Variants in FAM186B observed in about 807,000 individuals in gnomAD.
FAM186B encodes the protein family with sequence similarity 186 member B.
FAM186B carries 68 observed loss-of-function variants against 83.4 expected under a neutral mutation model. The ratio of observed to expected loss-of-function variants is 0.81; its 90% CI spans 0.67 to 1.00. FAM186B has a LOEUF of 1.00. Among genes scored for constraint, FAM186B ranks in the 50% least tolerant of loss-of-function variants. The pLI is 0.00. For synonymous variants in FAM186B, 389 were observed against 422.0 expected (o/e 0.92, Z 0.96); for missense variants, 983 against 1,099.2 (o/e 0.89, Z 1.49).
the FAM186B span, chr12:49,619,487 A>T: frequency 1.5e-6 from 1 of 679,398 alleles, no homozygotes. Flanking sequence ...GAGCAGGGGA[A>T]ATACTAAAAT....
chr12:49,604,272 C>A (rs746204996), intron 2 of FAM186B, 41 bp downstream of exon 2: 1 of 1,534,368 alleles, frequency 6.5e-7, no homozygotes, highest in Non-Finnish European at 9.0e-7. Context: ...CACCCACACT[C>A]CCCTCCCAGA....
intron 5 of FAM186B, among the ~76,000 whole-genome samples, chr12:49,590,001 AG>A (rs1939546231): frequency 6.7e-6 from 1 of 149,858 alleles, no homozygotes; most frequent in Non-Finnish European, 1.5e-5. Context: ...AAAAAAAAAA[AG>A]TCAAAAGAGG....
downstream of FAM186B, among the ~76,000 whole-genome samples, chr12:49,586,901 G>C (rs1205128081): frequency 6.6e-6 from 1 of 152,190 alleles, no homozygotes; most frequent in African/African-American, 2.4e-5. Flanking sequence ...AGAAGCACCA[G>C]TATCTTCAGG....
At chr12:49,619,082 A>T in the FAM186B span, among the ~76,000 whole-genome samples, 1 of 152,266 alleles carries the variant, frequency 6.6e-6, no homozygotes, top group Non-Finnish European at 1.5e-5. Flanking sequence ...CAATGCCTTC[A>T]TAATTCTGAA....
chr12:49,603,517 CCT>C (rs1388203568), intron 2 of FAM186B, 150 bp from the exon 3 acceptor site: 35 of 712,186 alleles, frequency 4.9e-5, no homozygotes, highest in South Asian at 1.9e-4. Flanking sequence ...CACTTATCCC[CCT>C]GAGCCTCAGT....
chr12:49,599,351 G>A lies in FAM186B; in HGVS notation c.2171+118C>T, dbSNP rs188931350. On this transcript the variant is annotated intron_variant, in intron 4 of 6. Transcript: ENST00000257894. The stretch of plus-strand genomic sequence containing the variant: ...GCCCCCACTCAGGAGACCCTGTCCA[G>A]GCCTGGGGTGGCTCTCCCCATCCCC... The A allele has an allele frequency of 2.8e-4, 398 of 1,404,946 alleles. 1 individual carries two copies. In the African/African-American group the frequency reaches 5.4e-3, roughly 19 times the overall value. 87.0% of individuals were successfully genotyped at this position (1,404,946 alleles called of 1,614,324 possible). A position where few individuals can be genotyped will look rare whatever the true frequency, so the allele number is the denominator to read the frequency against.
chr12:49,609,161 G>A (rs542172351), upstream of FAM186B, among the ~76,000 whole-genome samples: 1 of 152,292 alleles, frequency 6.6e-6, no homozygotes, highest in East Asian at 1.9e-4. Context: ...TACAGCTGTG[G>A]TTTCTCCTAG....
the FAM186B span, chr12:49,619,256 A>G: frequency 4.2e-6 from 1 of 239,384 alleles, no homozygotes. Flanking sequence ...AGAAAAACAC[A>G]GGCACAGGTG....
Position 49,587,723 on chromosome 12 carries a change from C to T in FAM186B, c.2564G>A (p.Trp855Ter), listed in dbSNP as rs781241595. ...RQQGKQMEAVWKTEVASSSYA... is the reference protein window; with the variant it reads ...RQQGKQMEAV ...ACTGGAGGAGGCCACCTCGGTCTTC[C>T]AGACAGCCTCCATCTGCTTCCCCTG... The change falls in exon 7 of 7, where the codon TGG becomes TAG. Residue 855 changes from tryptophan to a stop codon, truncating the protein, a stop_gained. Coordinates refer to ENST00000257894, the MANE Select transcript of FAM186B (RefSeq NM_032130.3). LOFTEE classifies it low-confidence loss of function (END_TRUNC). 1 of 1,613,964 alleles carries T rather than the reference C, an allele frequency of 6.2e-7. No individual in the cohort carries two copies. Among genetic ancestry groups the T allele is most frequent in the South Asian group, 1.1e-5 (1 of 91,078 alleles).
the FAM186B span, among the ~76,000 whole-genome samples, chr12:49,613,866 T>C: frequency 1.3e-5 from 2 of 150,198 alleles, no homozygotes; most frequent in Non-Finnish European, 3.0e-5. Flanking sequence ...AAATAAGAAC[T>C]GGCCGGGCGC....
chr12:49,589,696 A>G (rs2005195), intron 5 of FAM186B, among the ~76,000 whole-genome samples: 33,665 of 151,894 alleles, frequency 0.22, 6,009 homozygotes, highest in African/African-American at 0.5. Flanking sequence ...ATAATAAAGA[A>G]TCAAGGCTGG....
chr12:49,589,088 C>T (rs1417620476), intron 5 of FAM186B, among the ~76,000 whole-genome samples: 1 of 152,198 alleles, frequency 6.6e-6, no homozygotes, highest in East Asian at 1.9e-4. Context: ...CCCAAACAAA[C>T]AGCCAGTCAA....
At chr12:49,614,578 A>T in the FAM186B span, among the ~76,000 whole-genome samples, 2,428 of 152,272 alleles carry the variant, frequency 0.016, 63 homozygotes, top group African/African-American at 0.054. Context: ...GGAGTACGGG[A>T]AGCAGGAGGG....
chr12:49,595,475 T>C (rs1415335589), intron 5 of FAM186B: 3 of 475,924 alleles, frequency 6.3e-6, no homozygotes, highest in Non-Finnish European at 1.3e-5. Context: ...GAGATCAGTT[T>C]TGGAAGTAAA....
intron 2 of FAM186B, 67 bp from the exon 3 acceptor site, chr12:49,603,434 T>G: frequency 1.3e-6 from 2 of 1,517,678 alleles, no homozygotes; most frequent in South Asian, 2.3e-5. Context: ...GACAGCCCTA[T>G]AGCACAGGGG....
At chr12:49,610,061 A>G (rs1268005652), upstream of FAM186B, among the ~76,000 whole-genome samples, 1 of 152,142 alleles carries the variant, frequency 6.6e-6, no homozygotes, top group South Asian at 2.1e-4. Flanking sequence ...ATACAAGGCT[A>G]TAGAAGCAAA....
At chr12:49,618,173 T>C in the FAM186B span, among the ~76,000 whole-genome samples, 16 of 152,196 alleles carry the variant, frequency 1.1e-4, no homozygotes, top group Admixed American at 3.9e-4. Flanking sequence ...GGTGAAACCC[T>C]GTCTCTACTA....
At chr12:49,604,290 C>A in intron 2 of FAM186B, 23 bp downstream of exon 2, 2 of 1,596,630 alleles carry the variant, frequency 1.3e-6, no homozygotes, top group South Asian at 2.2e-5. Flanking sequence ...AGAGGAGGCA[C>A]GGTGCCCAGC....
At chr12:49,617,960 C>T in the FAM186B span, among the ~76,000 whole-genome samples, 2 of 152,154 alleles carry the variant, frequency 1.3e-5, no homozygotes, top group African/African-American at 4.8e-5. Context: ...TGTGCCAGAC[C>T]AGAGATGGGC....
Sources: allele counts gnomAD v4.1 joint callset (sites outside exome capture counted in the v4.1 genomes callset), GRCh38; gene constraint gnomAD v4.1.1; transcripts MANE v1.5; gene names NCBI Gene and HGNC (gene_info 2026-07-23, HGNC 2026-07-21).